Variants in LRRC40 observed in about 807,000 individuals in gnomAD.
The protein encoded by LRRC40 is leucine rich repeat containing 40.
In LRRC40, 76 loss-of-function variants were observed where a neutral mutation model predicts 72.8. The observed-to-expected ratio is 1.04, with a 90% CI of 0.87 to 1.26. LRRC40 has a LOEUF of 1.26. LRRC40 is among the 50% of genes most tolerant of loss of function. The pLI is 0.00. For synonymous variants in LRRC40, 243 were observed against 254.2 expected (o/e 0.96, Z 0.42); for missense variants, 684 against 698.9 (o/e 0.98, Z 0.24).
At chr1:70,174,875 C>A (rs1378158056) in intron 7 of LRRC40, among the ~76,000 whole-genome samples, 1 of 151,762 alleles carries the variant, frequency 6.6e-6, no homozygotes, top group Non-Finnish European at 1.5e-5. Context: ...ATACCTTTGC[C>A]AAAAATCATC....
intron 9 of LRRC40, among the ~76,000 whole-genome samples, chr1:70,168,867 T>C (rs1571457954): frequency 1.3e-5 from 2 of 152,134 alleles, no homozygotes; most frequent in Non-Finnish European, 1.5e-5. Context: ...TACTTTGAGA[T>C]AAATGAAAAT....
chr1:70,175,981 TC>T lies in LRRC40; in HGVS notation c.805del (p.Glu269AsnfsTer4). 6.5e-7 allele frequency: 1 copy of T among 1,544,844 alleles called. No individual in the cohort carries two copies. The highest frequency in any genetic ancestry group is 8.7e-7 in the Non-Finnish European group (1 of 1,151,942). ...AATCTGGTTTTCACCTACGTGCAAT[TC>T]CTACAAAATCAAAGATGAGTTATGT... ...PEFPSCSLLK[E>X]LHVGENQIEM... On this transcript the variant is annotated frameshift_variant and splice_region_variant, in exon 7 of 15. Coordinates refer to ENST00000370952, the MANE Select transcript of LRRC40 (RefSeq NM_017768.5). LOFTEE classifies it high-confidence loss of function.
chr1:70,179,819 T>C (rs1668202519), intron 5 of LRRC40, among the ~76,000 whole-genome samples: 1 of 152,118 alleles, frequency 6.6e-6, no homozygotes, highest in Non-Finnish European at 1.5e-5. Flanking sequence ...TACAGCAAAA[T>C]CTTAACTATT....
chr1:70,159,429 G>T lies in LRRC40; in HGVS notation c.1121C>A (p.Pro374His). The change falls in exon 10 of 15, where the codon CCT becomes CAT. Residue 374 changes from proline (P) to histidine (H), a missense_variant. Physicochemically the swap from Pro to His is moderately conservative, Grantham distance 77 (BLOSUM62 -2). Coordinates refer to ENST00000370952, the MANE Select transcript of LRRC40 (RefSeq NM_017768.5). The stretch of plus-strand genomic sequence containing the variant: ...CTCAGTAGCAGACTCACTTTGGCTA[G>T]GTCCATCATCTGGCAAAAGAAAACT... ...YLRSKIKDDGPSQSESATETA... is the reference protein window; with the variant it reads ...YLRSKIKDDGHSQSESATETA... 6.4e-7 allele frequency: 1 copy of T among 1,567,198 alleles called. No individual in the cohort carries two copies. The highest frequency in any genetic ancestry group is 8.7e-7 in the Non-Finnish European group (1 of 1,144,832).
chr1:70,170,040 T>G (rs1327502974), intron 9 of LRRC40, among the ~76,000 whole-genome samples: 2 of 152,002 alleles, frequency 1.3e-5, no homozygotes, highest in African/African-American at 4.8e-5. Context: ...CTAGCAACAT[T>G]TACAAAGAAT....
chr1:70,147,079 A>T (rs1050546363), intron 14 of LRRC40: 1 of 152,130 alleles, frequency 6.6e-6, no homozygotes, highest in Admixed American at 6.6e-5. Flanking sequence ...TATATTTGCA[A>T]ACTTGCCTAC....
chr1:70,172,335 A>G (rs1043656502), intron 9 of LRRC40, among the ~76,000 whole-genome samples: 1 of 152,148 alleles, frequency 6.6e-6, no homozygotes, highest in Non-Finnish European at 1.5e-5. Flanking sequence ...TCACTTTCCA[A>G]TGTCCACATG....
At position 70,147,571 on chromosome 1, in the gene LRRC40, C is replaced by T. The variant is rs116291304; in HGVS notation, c.1703+916G>A. Among the ~76,000 whole-genome samples the T allele has an allele frequency of 8.1e-3, 1,226 of 152,172 alleles. 17 individuals are homozygous for T. The highest frequency in any genetic ancestry group is 0.027 in the African/African-American group (1,128 of 41,516). On this transcript the variant is annotated intron_variant, in intron 14 of 14. Coordinates refer to ENST00000370952, the MANE Select transcript of LRRC40 (RefSeq NM_017768.5). Reference sequence around the variant, plus strand: ...TGTTGTGACTAGACTCTTGCAAGAACCTAACCCCTGTATTTCCCCCAGAAG... The same window carrying T: ...TGTTGTGACTAGACTCTTGCAAGAATCTAACCCCTGTATTTCCCCCAGAAG...
intron 1 of LRRC40, among the ~76,000 whole-genome samples, chr1:70,203,045 C>T (rs1668783503): frequency 6.6e-6 from 1 of 152,180 alleles, no homozygotes. Flanking sequence ...CGCACGCCAC[C>T]ATGCTCATCT....
chr1:70,145,022 AATG>A lies in LRRC40; in HGVS notation c.*775_*777del, dbSNP rs1293298719. 6.6e-6 allele frequency: 1 copy of A among 151,426 alleles called. No individual in the cohort carries two copies. The highest frequency in any genetic ancestry group is 6.6e-5 in the Admixed American group (1 of 15,158). 9.4% of individuals were successfully genotyped at this position (151,426 alleles called of 1,614,324 possible). A position where few individuals can be genotyped will look rare whatever the true frequency, so the allele number is the denominator to read the frequency against. On this transcript the variant is annotated 3_prime_UTR_variant, in exon 15 of 15. Transcript: ENST00000370952. ...TTCTGATAATTTTGGTGTAAACAAAAATGATATTTAATTTTTATTAAATCAAGT... is the reference window on the plus strand; with the variant it reads ...TTCTGATAATTTTGGTGTAAACAAAAATATTTAATTTTTATTAAATCAAGT...
chr1:70,197,206 G>C (rs1057294693), intron 1 of LRRC40, among the ~76,000 whole-genome samples: 2 of 149,636 alleles, frequency 1.3e-5, no homozygotes, highest in African/African-American at 4.9e-5. Flanking sequence ...CATGAGTACA[G>C]GCTTCCACAA....
At chr1:70,151,105 A>C in intron 13 of LRRC40, 23 bp downstream of exon 13, 1 of 1,361,968 alleles carries the variant, frequency 7.3e-7, no homozygotes, top group Non-Finnish European at 1.0e-6. Flanking sequence ...CAGAATAACA[A>C]TTAGAATTGT....
rs1274741197 is a variant in LRRC40, at chr1:70,187,253, C to A, written c.407+12G>T. The A allele has an allele frequency of 2.1e-6, 3 of 1,404,488 alleles. No individual in the cohort carries two copies. In the East Asian group the frequency reaches 6.9e-5, roughly 32 times the overall value. 87.0% of individuals were successfully genotyped at this position (1,404,488 alleles called of 1,614,324 possible). A position where few individuals can be genotyped will look rare whatever the true frequency, so the allele number is the denominator to read the frequency against. On this transcript the variant is annotated intron_variant, in intron 3 of 14. Coordinates refer to ENST00000370952, the MANE Select transcript of LRRC40 (RefSeq NM_017768.5). ...AAGGGCAATAATATAAGTAAATAAG[C>A]TTAATTTTTACCTGACATTAAGTTT...
intron 10 of LRRC40, among the ~76,000 whole-genome samples, chr1:70,156,671 A>G (rs755740081): frequency 3.3e-5 from 5 of 152,136 alleles, no homozygotes; most frequent in Admixed American, 6.5e-5. Context: ...TTTCAATCTG[A>G]TAACAAGATG....
intron 13 of LRRC40, among the ~76,000 whole-genome samples, chr1:70,149,011 T>A (rs1258693659): frequency 6.6e-6 from 1 of 152,208 alleles, no homozygotes. Context: ...TCCTTTCACT[T>A]TTACTTCTTA....
At chr1:70,173,262 T>C (rs1163308597) in intron 9 of LRRC40, among the ~76,000 whole-genome samples, 2 of 152,052 alleles carry the variant, frequency 1.3e-5, no homozygotes, top group African/African-American at 4.8e-5. Context: ...GGATTACAGA[T>C]AGTACATTAT....
chr1:70,186,963 AAG>A (rs1668374072), intron 3 of LRRC40, among the ~76,000 whole-genome samples: 1 of 152,112 alleles, frequency 6.6e-6, no homozygotes, highest in Admixed American at 6.6e-5. Flanking sequence ...GACATCAACA[AAG>A]AGGTTTACTA....
Position 70,151,185 on chromosome 1 carries a change from A to C in LRRC40, c.1460T>G (p.Leu487Trp), listed in dbSNP as rs1181495415. The change falls in exon 13 of 15, where the codon TTG (leucine) becomes TGG (tryptophan). Residue 487 changes from leucine (L) to tryptophan (W), a missense_variant. Physicochemically the swap from Leu to Trp is moderately conservative, Grantham distance 61. Coordinates refer to ENST00000370952, the MANE Select transcript of LRRC40 (RefSeq NM_017768.5). ...TACCAGTGATTCCATTTCTTCTGGC[A>C]AAGAATTTAAAAAATTGTTCCTAAA... The part of the protein sequence containing the change: ...LDLRNNFLNS[L>W]PEEMESLVRL... 3 of 1,582,480 alleles carry C rather than the reference A, an allele frequency of 1.9e-6. No homozygotes were observed. Among genetic ancestry groups the C allele is most frequent in the Non-Finnish European group, 2.6e-6 (3 of 1,153,730 alleles).
At chr1:70,195,562 G>A (rs974970883) in intron 1 of LRRC40, among the ~76,000 whole-genome samples, 1 of 152,148 alleles carries the variant, frequency 6.6e-6, no homozygotes, top group African/African-American at 2.4e-5. Context: ...CTGGTAATGA[G>A]GTGGAGGAAC....
Sources: gnomAD v4.1 joint callset for allele counts (sites outside exome capture counted in the v4.1 genomes callset) on GRCh38, gnomAD v4.1.1 for gene constraint, MANE v1.5 for transcripts, NCBI Gene and HGNC (gene_info 2026-07-23, HGNC 2026-07-21) for gene names.